Variants in VPS50 observed in about 807,000 individuals in gnomAD.
The protein encoded by VPS50 is VPS50 subunit of EARP/GARPII complex, also known as syndetin.
VPS50 carries 70 observed loss-of-function variants against 139.7 expected under a neutral mutation model. The observed-to-expected ratio is 0.50, with a 90% CI of 0.41 to 0.61. The LOEUF (loss-of-function observed/expected upper bound fraction) is 0.61, where lower values mean the gene tolerates loss of function less well. Among genes scored for constraint, VPS50 ranks in the 20% least tolerant of loss-of-function variants. The pLI is 0.00. For synonymous variants in VPS50, 365 were observed against 376.7 expected (o/e 0.97, Z 0.36); for missense variants, 921 against 1,133.7 (o/e 0.81, Z 2.69).
intron 23 of VPS50, among the ~76,000 whole-genome samples, chr7:93,345,462 C>T (rs1798363044): frequency 6.6e-6 from 1 of 152,186 alleles, no homozygotes; most frequent in Non-Finnish European, 1.5e-5. Context: ...AGAGGGAATC[C>T]TCCCTAACTC....
intron 22 of VPS50, among the ~76,000 whole-genome samples, chr7:93,335,231 G>T (rs577525828): frequency 6.6e-6 from 1 of 152,164 alleles, no homozygotes; most frequent in South Asian, 2.1e-4. Context: ...AAACTGAAGC[G>T]GTGATAGGAT....
chr7:93,293,868 G>C (rs1796720345), intron 13 of VPS50, among the ~76,000 whole-genome samples: 1 of 152,090 alleles, frequency 6.6e-6, no homozygotes, highest in Non-Finnish European at 1.5e-5. Context: ...CATTTCCAAG[G>C]ACCTTTTACT....
chr7:93,276,325 C>A lies in VPS50; in HGVS notation c.942+20C>A. ...TGTACAGTATGTAGTGACTTAATTA[C>A]TATTCATATATCTCTCCTTTAGATT... On this transcript the variant is annotated intron_variant, in intron 12 of 27. Coordinates refer to ENST00000305866, the MANE Select transcript of VPS50 (RefSeq NM_017667.4). 1 of 1,595,800 alleles carries A rather than the reference C, an allele frequency of 6.3e-7. No homozygotes were observed. The highest frequency in any genetic ancestry group is 1.1e-5 in the South Asian group (1 of 89,244).
chr7:93,237,921 G>A (rs1049476998), intron 1 of VPS50, among the ~76,000 whole-genome samples: 5 of 152,078 alleles, frequency 3.3e-5, no homozygotes, highest in Non-Finnish European at 5.9e-5. Context: ...GGCAGTCTCA[G>A]TGTCTGTTTT....
At chr7:93,334,094 TA>T in intron 21 of VPS50, 22 bp from the exon 22 acceptor site, 1 of 1,347,570 alleles carries the variant, frequency 7.4e-7, no homozygotes, top group Non-Finnish European at 1.1e-6. Context: ...TAGAACGATA[TA>T]ACAAGCCTTT....
intron 4 of VPS50, among the ~76,000 whole-genome samples, chr7:93,255,296 G>A (rs1444947274): frequency 1.3e-5 from 2 of 152,180 alleles, no homozygotes; most frequent in African/African-American, 4.8e-5. Context: ...AGGCATTAGA[G>A]TCTCATAAGG....
At chr7:93,301,114 G>A (rs1796961706) in intron 16 of VPS50, among the ~76,000 whole-genome samples, 1 of 152,024 alleles carries the variant, frequency 6.6e-6, no homozygotes, top group South Asian at 2.1e-4. Flanking sequence ...GGCCAAGATA[G>A]TGAAACTCAG....
At chr7:93,335,377 T>A (rs1485068649) in intron 22 of VPS50, among the ~76,000 whole-genome samples, 1 of 152,186 alleles carries the variant, frequency 6.6e-6, no homozygotes, top group African/African-American at 2.4e-5. Flanking sequence ...AACACATTTT[T>A]AAAAATATAG....
rs767468529 is a variant in VPS50, at chr7:93,348,821, T to C, written c.2304+14T>C. The C allele has an allele frequency of 6.6e-7, 1 of 1,514,084 alleles. No individual in the cohort carries two copies. The highest frequency in any genetic ancestry group is 9.2e-7 in the Non-Finnish European group (1 of 1,089,782). The allele number at this position is 1,514,084 out of a possible 1,614,324, so 93.8% of individuals were successfully genotyped here. A position where few individuals can be genotyped will look rare whatever the true frequency, so the allele number is the denominator to read the frequency against. On this transcript the variant is annotated intron_variant, in intron 24 of 27. Transcript: ENST00000305866. ...TTCTATTCTCAGGTCAGACATGGTC[T>C]TGTATGTCATTTCAACTGTGAGGAA...
Position 93,323,641 on chromosome 7 carries a change from A to C in VPS50, c.1886A>C (p.Lys629Thr). 4 of 1,352,534 alleles carry C rather than the reference A, an allele frequency of 3.0e-6. No individual in the cohort carries two copies. The South Asian group carries it at 6.8e-5, about 23-fold the overall frequency. 83.8% of individuals were successfully genotyped at this position (1,352,534 alleles called of 1,614,324 possible). ...TATATGCAGATGATGAACATTCTTA[A>C]GCCAATTGCCTTTGATGTTATTCAT... ...GKYMQMMNIL[K>T]PIAFDVIHFM... The change falls in exon 21 of 28, where the codon AAG (lysine) becomes ACG (threonine). Residue 629 changes from lysine to threonine, a missense_variant. This residue lies in a region of VPS50 where 744 missense variants were observed against 930.6 expected (regional missense o/e 0.80). Transcript: ENST00000305866.
At chr7:93,252,852 T>C in intron 3 of VPS50, 77 bp downstream of exon 3, 1 of 1,168,924 alleles carries the variant, frequency 8.6e-7, no homozygotes, top group South Asian at 1.5e-5. Context: ...GAATACTTTT[T>C]TGAGGCATTT....
chr7:93,288,852 G>A (rs1020117834), intron 12 of VPS50, among the ~76,000 whole-genome samples: 2 of 152,094 alleles, frequency 1.3e-5, no homozygotes, highest in Non-Finnish European at 2.9e-5. Context: ...TGAGAAGGGA[G>A]TCGGTCCACG....
chr7:93,241,084 G>A (rs1562845270), intron 2 of VPS50, among the ~76,000 whole-genome samples: 1 of 152,042 alleles, frequency 6.6e-6, no homozygotes, highest in Non-Finnish European at 1.5e-5. Context: ...TTAAGAAAAA[G>A]ATTATCATGC....
At chr7:93,269,107 T>G (rs1174216673) in intron 9 of VPS50, among the ~76,000 whole-genome samples, 1 of 152,028 alleles carries the variant, frequency 6.6e-6, no homozygotes, top group Non-Finnish European at 1.5e-5. Flanking sequence ...AGATACTGAT[T>G]TGTTTTGTTT....
chr7:93,324,626 A>G (rs1277163815), intron 21 of VPS50, among the ~76,000 whole-genome samples: 1 of 152,166 alleles, frequency 6.6e-6, no homozygotes, highest in East Asian at 1.9e-4. Context: ...TTGCAAAATC[A>G]CAAGCATTCT....
intron 3 of VPS50, 53 bp from the exon 4 acceptor site, chr7:93,253,807 A>G: frequency 9.4e-7 from 1 of 1,067,996 alleles, no homozygotes; most frequent in South Asian, 1.4e-5. Context: ...GGTAAATGAA[A>G]CCAAATTAAA....
intron 20 of VPS50, among the ~76,000 whole-genome samples, chr7:93,315,077 A>G (rs1420264834): frequency 6.6e-6 from 1 of 152,092 alleles, no homozygotes; most frequent in Non-Finnish European, 1.5e-5. Flanking sequence ...GTACAAATAT[A>G]TTTAATACGT....
At chr7:93,290,761 A>G (rs1435676503) in intron 12 of VPS50, among the ~76,000 whole-genome samples, 2 of 152,052 alleles carry the variant, frequency 1.3e-5, no homozygotes, top group Non-Finnish European at 2.9e-5. Context: ...TACTTGCCAA[A>G]TGAATGTTTT....
chr7:93,264,846 G>A (rs1464531140), intron 9 of VPS50, among the ~76,000 whole-genome samples: 9 of 152,080 alleles, frequency 5.9e-5, no homozygotes, highest in African/African-American at 2.2e-4. Context: ...TTTCTGCTAG[G>A]TTGCCAGGCC....
Sources: allele counts gnomAD v4.1 joint callset (sites outside exome capture counted in the v4.1 genomes callset), GRCh38; gene constraint gnomAD v4.1.1; regional missense constraint gnomAD v4.1.1; transcripts MANE v1.5; gene names NCBI Gene and HGNC (gene_info 2026-07-23, HGNC 2026-07-21).